The following NDRG4 variants were observed in gnomAD, a reference collection of about 807,000 sequenced individuals.
NDRG4 encodes the protein protein NDRG4.
A neutral mutation model predicts 55.8 loss-of-function variants in NDRG4; 38 were observed. The ratio of observed to expected loss-of-function variants is 0.68; its 90% CI spans 0.53 to 0.89. The LOEUF (loss-of-function observed/expected upper bound fraction) is 0.89, where lower values mean the gene tolerates loss of function less well. Among genes scored for constraint, NDRG4 ranks in the 40% least tolerant of loss-of-function variants. The probability of loss-of-function intolerance (pLI) is 0.00; values close to 1 mark genes in which losing one functional copy is unlikely to be tolerated. For missense variants in NDRG4, 455 were observed against 468.6 expected (o/e 0.97, Z 0.27); for synonymous variants, 190 against 182.7 (o/e 1.04, Z -0.32).
chr16:58,477,296 C>T (rs974531707), intron 1 of NDRG4, among the ~76,000 whole-genome samples: 6 of 152,180 alleles, frequency 3.9e-5, no homozygotes, highest in Non-Finnish European at 7.4e-5. Context: ...GATTTCTAAA[C>T]GTCATTCTCC....
rs1567364913 is a variant in NDRG4 at position 58,512,152 on chromosome 16, C to T, written c.*576C>T. Reference sequence around the variant, plus strand: ...AGCTGGTGCTGTAGGGCCACGCAGGCAGGGGCGTCAAGGGGTTTCTCTGCC... The same window carrying T: ...AGCTGGTGCTGTAGGGCCACGCAGGTAGGGGCGTCAAGGGGTTTCTCTGCC... On this transcript the variant is annotated 3_prime_UTR_variant, in exon 15 of 15. Transcript: ENST00000570248. 2.2e-6 allele frequency: 1 copy of T among 455,078 alleles called. No individual in the cohort carries two copies. The highest frequency in any genetic ancestry group is 4.4e-6 in the Non-Finnish European group (1 of 226,160). The allele number at this position is 455,078 out of a possible 1,614,324, so 28.2% of individuals were successfully genotyped here.
At chr16:58,490,266 C>T (rs1022866307) in intron 2 of NDRG4, among the ~76,000 whole-genome samples, 6 of 152,202 alleles carry the variant, frequency 3.9e-5, no homozygotes, top group South Asian at 4.1e-4. Context: ...GCGGGACAGC[C>T]GCACGGAGGT....
At chr16:58,484,681 C>T (rs1348132356) in intron 1 of NDRG4, among the ~76,000 whole-genome samples, 2 of 152,126 alleles carry the variant, frequency 1.3e-5, no homozygotes, top group Non-Finnish European at 2.9e-5. Context: ...CAGGGCGGCT[C>T]CTGTCCCTTT....
At chr16:58,507,734 T>G (rs1244090705) in intron 8 of NDRG4, 74 bp from the exon 9 acceptor site, 1 of 1,417,986 alleles carries the variant, frequency 7.1e-7, no homozygotes, top group Non-Finnish European at 9.9e-7. Flanking sequence ...CAATTGGCAG[T>G]GTTGGGCTTG....
chr16:58,506,069 T>C (rs187528562), intron 5 of NDRG4: 2 of 503,260 alleles, frequency 4.0e-6, no homozygotes, highest in East Asian at 8.6e-5. Flanking sequence ...CTTAAGATTT[T>C]AAGATGTTTA....
intron 1 of NDRG4, among the ~76,000 whole-genome samples, chr16:58,486,893 AC>A (rs2035156926): frequency 6.6e-6 from 1 of 150,886 alleles, no homozygotes; most frequent in Non-Finnish European, 1.5e-5. Context: ...TGAGACCTGC[AC>A]CCCCTCTTTC....
At chr16:58,494,600 G>T (rs186695945) in intron 2 of NDRG4, among the ~76,000 whole-genome samples, 2 of 152,160 alleles carry the variant, frequency 1.3e-5, no homozygotes, top group African/African-American at 4.8e-5. Flanking sequence ...ACGCTCACAC[G>T]CTCCTCCACC....
chr16:58,486,734 CACACACA>C (rs1411256618), intron 1 of NDRG4, among the ~76,000 whole-genome samples: 1 of 148,424 alleles, frequency 6.7e-6, no homozygotes, highest in Admixed American at 6.7e-5. Context: ...CACACACACA[CACACACA>C]CACACACACG....
chr16:58,492,328 C>T (rs542754462), intron 2 of NDRG4, among the ~76,000 whole-genome samples: 4 of 152,116 alleles, frequency 2.6e-5, no homozygotes, highest in Non-Finnish European at 5.9e-5. Context: ...TTCTCCTCCT[C>T]GTGCTCACCC....
In NDRG4 at chr16:58,511,598, C is replaced by T. The variant is rs768974055; in HGVS notation, c.*22C>T. ...TTGAAGCCCTTGATCCCGCTGACGA[C>T]GCCCACGTCGAGGCCCCACCGCCAT... On this transcript the variant is annotated 3_prime_UTR_variant, in exon 15 of 15. Transcript: ENST00000570248. 7.2e-5 allele frequency: 116 copies of T among 1,612,850 alleles called. No individual in the cohort carries two copies. In the South Asian group the frequency reaches 9.2e-4, roughly 13 times the overall value.
At chr16:58,472,890 T>C (rs1386449685) in intron 1 of NDRG4, among the ~76,000 whole-genome samples, 1 of 152,082 alleles carries the variant, frequency 6.6e-6, no homozygotes, top group Non-Finnish European at 1.5e-5. Flanking sequence ...CCACTTGGTT[T>C]CCAGGCCACC....
At chr16:58,483,683 T>C (rs766471702) in intron 1 of NDRG4, among the ~76,000 whole-genome samples, 25 of 152,232 alleles carry the variant, frequency 1.6e-4, no homozygotes, top group Non-Finnish European at 2.9e-4. Flanking sequence ...TCCAAAGTTA[T>C]CTTAAATCGG....
In NDRG4 at chr16:58,503,830, G is replaced by A. The variant is rs1176403372; in HGVS notation, c.54G>A (p.Leu18=). 6 of 1,613,964 alleles carry A rather than the reference G, an allele frequency of 3.7e-6. No individual in the cohort carries two copies. The highest frequency in any genetic ancestry group is 5.1e-6 in the Non-Finnish European group (6 of 1,179,986). The part of the protein sequence containing the change: ...EHDIETPYGL[L]HVVIRGSPKG... ...ACATCGAGACACCCTACGGCCTTCT[G>A]CATGTAGTGATCCGGGGCTCCCCCA... The change falls in exon 2 of 15, where the codon CTG becomes CTA. Residue 18 remains leucine, a synonymous_variant. Transcript: ENST00000570248.
intron 1 of NDRG4, among the ~76,000 whole-genome samples, chr16:58,481,825 T>C (rs1459170902): frequency 1.3e-5 from 2 of 152,092 alleles, no homozygotes; most frequent in Non-Finnish European, 2.9e-5. Context: ...CTCAGTGCTG[T>C]CCCAGGCCTA....
At chr16:58,478,202 A>G (rs1359364296) in intron 1 of NDRG4, among the ~76,000 whole-genome samples, 1 of 152,168 alleles carries the variant, frequency 6.6e-6, no homozygotes, top group Admixed American at 6.6e-5. Flanking sequence ...CAGCCTGGCC[A>G]ACACGGTGAA....
At chr16:58,514,164 C>G (rs2039049388), downstream of NDRG4, among the ~76,000 whole-genome samples, 1 of 152,122 alleles carries the variant, frequency 6.6e-6, no homozygotes, top group South Asian at 2.1e-4. Context: ...ATATACTTAT[C>G]CCTAAACTTT....
At chr16:58,490,467 T>TG (rs1431263554) in intron 2 of NDRG4, among the ~76,000 whole-genome samples, 2 of 152,056 alleles carry the variant, frequency 1.3e-5, no homozygotes, top group African/African-American at 4.8e-5. Flanking sequence ...GTGGGCACAC[T>TG]CCTGCCTCCT....
In NDRG4 at chr16:58,506,605, C is replaced by T. The variant is rs1293409689; in HGVS notation, c.507C>T (p.Leu169=). 1.9e-6 allele frequency: 3 copies of T among 1,559,654 alleles called. No individual in the cohort carries two copies. The highest frequency in any genetic ancestry group is 2.6e-6 in the Non-Finnish European group (3 of 1,154,912). Residue 169 remains leucine (L), a synonymous_variant, in exon 7 of 15, where the codon CTC becomes CTT. Coordinates refer to ENST00000570248, the MANE Select transcript of NDRG4 (RefSeq NM_001242835.2). ...TACCCGACACGGTGCTCTCCCACCT[C>T]TTCAGCCAGGTAAGGGGGGGAACTT... The part of the protein sequence containing the change: ...STLPDTVLSH[L]FSQEELVNNT...
chr16:58,500,505 A>C, intron 1 of NDRG4: 3 of 198,466 alleles, frequency 1.5e-5, no homozygotes, highest in Middle Eastern at 1.7e-3. Context: ...GGCTGGGGGG[A>C]GCGTGTGGTT....
Sources: allele counts gnomAD v4.1 joint callset (sites outside exome capture counted in the v4.1 genomes callset), GRCh38; gene constraint gnomAD v4.1.1; transcripts MANE v1.5; gene names NCBI Gene and HGNC (gene_info 2026-07-23, HGNC 2026-07-21).